The following SLC35D4 variants were observed in gnomAD, a reference collection of about 807,000 sequenced individuals.
SLC35D4 encodes solute carrier family 35 member D4, also known as UDP-N-acetylglucosamine transporter SLC35D4.
the SLC35D4 span, chr18:23,257,734 G>T: frequency 5.4e-6 from 1 of 185,570 alleles, no homozygotes; most frequent in South Asian, 1.8e-4. Flanking sequence ...GGAGTGTGAA[G>T]GGCTTGAGCA....
At chr18:23,336,548 A>G in the SLC35D4 span, among the ~76,000 whole-genome samples, 590 of 152,374 alleles carry the variant, frequency 3.9e-3, 6 homozygotes, top group African/African-American at 0.013. Flanking sequence ...ACATTACAGT[A>G]CAGCTTCATG....
At chr18:23,330,800 A>G in the SLC35D4 span, among the ~76,000 whole-genome samples, 1 of 152,156 alleles carries the variant, frequency 6.6e-6, no homozygotes, top group African/African-American at 2.4e-5. Flanking sequence ...GTACAGTTAC[A>G]TGTAAAGAAA....
chr18:23,349,806 T>C, the SLC35D4 span, among the ~76,000 whole-genome samples: 2 of 152,258 alleles, frequency 1.3e-5, no homozygotes, highest in Admixed American at 1.3e-4. Context: ...TATTGTACTT[T>C]TTACCTCTAG....
At chr18:23,373,052 G>A in the SLC35D4 span, among the ~76,000 whole-genome samples, 41 of 152,266 alleles carry the variant, frequency 2.7e-4, no homozygotes, top group African/African-American at 7.0e-4. Flanking sequence ...AGTGGCTCAC[G>A]CCTGTAATAC....
the SLC35D4 span, among the ~76,000 whole-genome samples, chr18:23,263,884 G>A: frequency 1.3e-5 from 2 of 152,176 alleles, no homozygotes; most frequent in African/African-American, 4.8e-5. Flanking sequence ...GCAGAGCACA[G>A]GCCCTAGTCA....
At chr18:23,335,517 TAC>T in the SLC35D4 span, among the ~76,000 whole-genome samples, 1 of 152,118 alleles carries the variant, frequency 6.6e-6, no homozygotes, top group African/African-American at 2.4e-5. Context: ...GTTTTAGGGA[TAC>T]ACACAGAGGG....
chr18:23,288,630 G>T, the SLC35D4 span, among the ~76,000 whole-genome samples: 1 of 152,052 alleles, frequency 6.6e-6, no homozygotes, highest in African/African-American at 2.4e-5. Context: ...TCTTGGTCTA[G>T]GTAGACACTT....
At chr18:23,404,539 G>A in the SLC35D4 span, among the ~76,000 whole-genome samples, 5 of 151,278 alleles carry the variant, frequency 3.3e-5, no homozygotes, top group African/African-American at 9.7e-5. Flanking sequence ...TGGGCATGGT[G>A]GCCCATGGCT....
At chr18:23,323,800 C>T in the SLC35D4 span, among the ~76,000 whole-genome samples, 3,183 of 152,034 alleles carry the variant, frequency 0.021, 109 homozygotes, top group African/African-American at 0.072. Context: ...GACCAGAGGC[C>T]GGGTGTGTTG....
At chr18:23,344,324 C>T in the SLC35D4 span, among the ~76,000 whole-genome samples, 1 of 152,168 alleles carries the variant, frequency 6.6e-6, no homozygotes, top group Non-Finnish European at 1.5e-5. Context: ...CACACATGTG[C>T]ATGTGTCTTT....
At chr18:23,375,635 A>T in the SLC35D4 span, among the ~76,000 whole-genome samples, 1 of 152,308 alleles carries the variant, frequency 6.6e-6, no homozygotes, top group East Asian at 1.9e-4. Flanking sequence ...GGGTGCCTGG[A>T]ATAAATACTG....
chr18:23,393,051 G>C, the SLC35D4 span, among the ~76,000 whole-genome samples: 2 of 152,212 alleles, frequency 1.3e-5, no homozygotes, highest in African/African-American at 4.8e-5. Flanking sequence ...GAGTAGCTGG[G>C]ATTACTGGTG....
At chr18:23,285,028 A>C in the SLC35D4 span, among the ~76,000 whole-genome samples, 9 of 152,314 alleles carry the variant, frequency 5.9e-5, no homozygotes, top group East Asian at 1.7e-3. Context: ...CTCTGAGCCT[A>C]AGCTAAGCCA....
chr18:23,267,248 C>CCT, the SLC35D4 span, among the ~76,000 whole-genome samples: 2 of 152,300 alleles, frequency 1.3e-5, no homozygotes, highest in East Asian at 1.9e-4. Flanking sequence ...CTGACACCAC[C>CCT]CTCGGTCTCT....
chr18:23,364,933 A>T, the SLC35D4 span, among the ~76,000 whole-genome samples: 20 of 15,792 alleles, frequency 1.3e-3, 5 homozygotes, highest in African/African-American at 4.2e-3. Context: ...AAAAAAAAAA[A>T]GGACTCCTTT....
chr18:23,250,794 A>G, the SLC35D4 span, among the ~76,000 whole-genome samples: 1 of 152,208 alleles, frequency 6.6e-6, no homozygotes, highest in Admixed American at 6.5e-5. Flanking sequence ...CATTGCATCC[A>G]CCAAGTCCTC....
chr18:23,348,807 A>G, the SLC35D4 span, among the ~76,000 whole-genome samples: 1 of 152,188 alleles, frequency 6.6e-6, no homozygotes, highest in East Asian at 1.9e-4. Context: ...GACAGTCTCT[A>G]TTTTTTGTCA....
chr18:23,421,366 C>T, the SLC35D4 span: 6 of 1,613,806 alleles, frequency 3.7e-6, no homozygotes, highest in Non-Finnish European at 5.1e-6. Flanking sequence ...AGAGGTTATA[C>T]CTTGAACTGC....
the SLC35D4 span, among the ~76,000 whole-genome samples, chr18:23,256,219 A>G: frequency 6.6e-6 from 1 of 152,362 alleles, no homozygotes; most frequent in East Asian, 1.9e-4. Flanking sequence ...GCCTGAGCAA[A>G]CATGAGGCCC....
Sources: allele counts gnomAD v4.1 joint callset (sites outside exome capture counted in the v4.1 genomes callset), GRCh38; gene constraint gnomAD v4.1.1; transcripts MANE v1.5; gene names NCBI Gene and HGNC (gene_info 2026-07-23, HGNC 2026-07-21).